Variants in ENOX1 observed in about 807,000 individuals in gnomAD.
ENOX1 encodes ecto-NOX disulfide-thiol exchanger 1, also known as candidate growth-related and time keeping constitutive hydroquinone (NADH) oxidase.
In ENOX1, 42 loss-of-function variants were observed where a neutral mutation model predicts 82.5. The ratio of observed to expected loss-of-function variants is 0.51; its 90% CI spans 0.40 to 0.66. The LOEUF is 0.66. Among genes scored for constraint, ENOX1 ranks in the 30% least tolerant of loss-of-function variants. The pLI is 0.00. For synonymous variants in ENOX1, 271 were observed against 282.2 expected (o/e 0.96, Z 0.40); for missense variants, 608 against 811.6 (o/e 0.75, Z 3.05).
intron 10 of ENOX1, among the ~76,000 whole-genome samples, chr13:43,323,524 AT>A (rs2153528050): frequency 6.6e-6 from 1 of 152,356 alleles, no homozygotes; most frequent in East Asian, 1.9e-4. Context: ...GAACATTGTA[AT>A]ACTTATGCTA....
At chr13:43,242,043 C>G (rs186402938) in intron 14 of ENOX1, among the ~76,000 whole-genome samples, 1 of 152,154 alleles carries the variant, frequency 6.6e-6, no homozygotes, top group Non-Finnish European at 1.5e-5. Flanking sequence ...CTTTCTGTTG[C>G]AAAGCTTCTT....
chr13:43,349,078 T>C (rs1389060229), intron 8 of ENOX1, among the ~76,000 whole-genome samples: 1 of 152,230 alleles, frequency 6.6e-6, no homozygotes, highest in East Asian at 1.9e-4. Flanking sequence ...CAATTAATAC[T>C]GGAAAGATAC....
chr13:43,539,903 C>A (rs1209505574), intron 2 of ENOX1, among the ~76,000 whole-genome samples: 1 of 151,986 alleles, frequency 6.6e-6, no homozygotes, highest in African/African-American at 2.4e-5. Context: ...TGTAAAATAT[C>A]CTCTTTGTAT....
intron 2 of ENOX1, among the ~76,000 whole-genome samples, chr13:43,657,171 G>C (rs1196477351): frequency 6.6e-6 from 1 of 152,106 alleles, no homozygotes; most frequent in Non-Finnish European, 1.5e-5. Context: ...GAGGGCAAAA[G>C]GTCTGGAAGA....
intron 3 of ENOX1, among the ~76,000 whole-genome samples, chr13:43,480,712 A>G (rs1409612427): frequency 1.3e-5 from 2 of 152,208 alleles, no homozygotes; most frequent in Non-Finnish European, 2.9e-5. Flanking sequence ...GAGAGACTAC[A>G]AGGAACAATG....
At chr13:43,272,933 G>C (rs1048517245) in intron 12 of ENOX1, among the ~76,000 whole-genome samples, 1 of 152,190 alleles carries the variant, frequency 6.6e-6, no homozygotes, top group African/African-American at 2.4e-5. Flanking sequence ...ACAGTCACCA[G>C]TGCCTTGCTA....
chr13:43,627,455 T>C (rs1218381587), intron 2 of ENOX1, among the ~76,000 whole-genome samples: 1 of 152,038 alleles, frequency 6.6e-6, no homozygotes, highest in Non-Finnish European at 1.5e-5. Flanking sequence ...CATATATATG[T>C]ATAATTCAGA....
intron 2 of ENOX1, among the ~76,000 whole-genome samples, chr13:43,585,418 G>A (rs1194038194): frequency 2.0e-5 from 3 of 152,160 alleles, no homozygotes; most frequent in Non-Finnish European, 4.4e-5. Context: ...GTGGCAATTT[G>A]TTACAGCAGT....
At chr13:43,333,681 G>A (rs774025159) in intron 9 of ENOX1, among the ~76,000 whole-genome samples, 5 of 152,214 alleles carry the variant, frequency 3.3e-5, no homozygotes, top group Admixed American at 6.5e-5. Flanking sequence ...GAAGTGCAGC[G>A]GCATGATCTC....
intron 2 of ENOX1, among the ~76,000 whole-genome samples, chr13:43,564,256 A>G (rs1290118045): frequency 6.6e-6 from 1 of 152,140 alleles, no homozygotes. Context: ...ATATTGTTAA[A>G]ATATCCATAC....
chr13:43,779,467 C>A (rs1249247553), intron 1 of ENOX1, among the ~76,000 whole-genome samples: 4 of 152,174 alleles, frequency 2.6e-5, no homozygotes, highest in Non-Finnish European at 5.9e-5. Context: ...CTTCCCCACA[C>A]ACGGGAGAGA....
At chr13:43,522,658 C>G (rs942298556) in intron 2 of ENOX1, among the ~76,000 whole-genome samples, 1 of 152,140 alleles carries the variant, frequency 6.6e-6, no homozygotes, top group African/African-American at 2.4e-5. Flanking sequence ...CTGGCAGGCA[C>G]AGTTCCCCTC....
chr13:43,581,891 A>G (rs2080759672), intron 2 of ENOX1, among the ~76,000 whole-genome samples: 1 of 152,250 alleles, frequency 6.6e-6, no homozygotes, highest in Admixed American at 6.5e-5. Context: ...AGATTTAAAA[A>G]AAGGAACTAT....
At chr13:43,569,275 T>C (rs931757586) in intron 2 of ENOX1, among the ~76,000 whole-genome samples, 3 of 152,148 alleles carry the variant, frequency 2.0e-5, no homozygotes, top group African/African-American at 7.2e-5. Flanking sequence ...TTAGGAAGCA[T>C]ATCACATAAG....
intron 1 of ENOX1, among the ~76,000 whole-genome samples, chr13:43,730,354 T>C (rs1004021454): frequency 6.6e-6 from 1 of 152,190 alleles, no homozygotes; most frequent in Non-Finnish European, 1.5e-5. Context: ...ATTCTCAATC[T>C]GTTGTTAGCA....
At chr13:43,482,951 G>T (rs901960698) in intron 3 of ENOX1, among the ~76,000 whole-genome samples, 1 of 152,102 alleles carries the variant, frequency 6.6e-6, no homozygotes, top group African/African-American at 2.4e-5. Flanking sequence ...TTCAATGGGG[G>T]TTAATCATGA....
rs56162724 is a variant in ENOX1, at chr13:43,593,880, G to C, written c.-219+73599C>G. On this transcript the variant is annotated intron_variant, in intron 2 of 16. Coordinates refer to ENST00000690772, the MANE Select transcript of ENOX1 (RefSeq NM_001347969.2). ...GAGTTATGAAGCACGCTAAAACTGGGAGTTCATCCAGGTAAAGCTATCTGG... is the reference window on the plus strand; with the variant it reads ...GAGTTATGAAGCACGCTAAAACTGGCAGTTCATCCAGGTAAAGCTATCTGG... Among the ~76,000 whole-genome samples, 786 of 152,240 alleles carry C rather than the reference G, an allele frequency of 5.2e-3. 7 individuals are homozygous for C. Among genetic ancestry groups the C allele is most frequent in the Non-Finnish European group, 8.6e-3 (585 of 68,018 alleles).
At chr13:43,329,307 C>T (rs2048295058) in intron 9 of ENOX1, among the ~76,000 whole-genome samples, 2 of 152,108 alleles carry the variant, frequency 1.3e-5, no homozygotes, top group African/African-American at 4.8e-5. Flanking sequence ...AAGGCAGAGG[C>T]TCTGGCATGG....
At chr13:43,498,098 C>T (rs762143922) in intron 2 of ENOX1, among the ~76,000 whole-genome samples, 4 of 152,014 alleles carry the variant, frequency 2.6e-5, no homozygotes, top group African/African-American at 4.8e-5. Context: ...ACATTAAACT[C>T]GCTGGTACTT....
Sources: gnomAD v4.1 joint callset for allele counts (sites outside exome capture counted in the v4.1 genomes callset) on GRCh38, gnomAD v4.1.1 for gene constraint, MANE v1.5 for transcripts, NCBI Gene and HGNC (gene_info 2026-07-23, HGNC 2026-07-21) for gene names.